The following ARG2 variants were observed in gnomAD, a reference collection of about 807,000 sequenced individuals.
The protein encoded by ARG2 is arginase 2, also known as arginase-2, mitochondrial.
A neutral mutation model predicts 39.4 loss-of-function variants in ARG2; 21 were observed. The observed-to-expected ratio is 0.53, with a 90% CI of 0.38 to 0.77. The LOEUF is 0.77. ARG2 is among the 30% of genes least tolerant of loss of function. The pLI is 0.00. For synonymous variants in ARG2, 150 were observed against 156.7 expected (o/e 0.96, Z 0.32); for missense variants, 378 against 426.2 (o/e 0.89, Z 1.00).
At chr14:67,636,964 A>T (rs2036977934) in intron 2 of ARG2, among the ~76,000 whole-genome samples, 1 of 152,154 alleles carries the variant, frequency 6.6e-6, no homozygotes, top group Non-Finnish European at 1.5e-5. Context: ...AGAGAAAGGG[A>T]AAGTTCCCAC....
At chr14:67,627,357 GTTATAC>G (rs770960189) in intron 2 of ARG2, among the ~76,000 whole-genome samples, 32 of 150,712 alleles carry the variant, frequency 2.1e-4, no homozygotes, top group Non-Finnish European at 3.4e-4. Flanking sequence ...ACAACTATCT[GTTATAC>G]TTATGTAAGT....
intron 2 of ARG2, among the ~76,000 whole-genome samples, chr14:67,624,826 T>C (rs904526429): frequency 3.3e-5 from 5 of 152,196 alleles, no homozygotes; most frequent in Non-Finnish European, 5.9e-5. Flanking sequence ...TGGGGAGCAT[T>C]TATTCAAGAA....
chr14:67,623,637 G>C (rs887679250), intron 2 of ARG2, among the ~76,000 whole-genome samples: 7 of 147,674 alleles, frequency 4.7e-5, no homozygotes, highest in African/African-American at 1.8e-4. Flanking sequence ...CGCCTCCCGG[G>C]TTCAAGCAAT....
At chr14:67,638,714 G>A (rs762445987) in intron 2 of ARG2, among the ~76,000 whole-genome samples, 9 of 152,212 alleles carry the variant, frequency 5.9e-5, no homozygotes, top group Non-Finnish European at 1.0e-4. Flanking sequence ...GCCTCTCAAG[G>A]TATAAATCCC....
chr14:67,620,159 G>T (rs1212432507), intron 1 of ARG2, 71 bp downstream of exon 1: 8 of 1,157,180 alleles, frequency 6.9e-6, no homozygotes, highest in African/African-American at 4.8e-5. Context: ...GCGGCGGTAG[G>T]GTGCGGGGGA....
At chr14:67,644,997 T>TAA (rs558540535) in intron 3 of ARG2, among the ~76,000 whole-genome samples, 17,025 of 132,210 alleles carry the variant, frequency 0.13, 1,039 homozygotes, top group Admixed American at 0.15. Flanking sequence ...GACTCCGTCT[T>TAA]AAAAAAAAAA....
At chr14:67,621,156 G>C (rs533466236) in intron 2 of ARG2, among the ~76,000 whole-genome samples, 190 bp downstream of exon 2, 73 of 152,324 alleles carry the variant, frequency 4.8e-4, no homozygotes, top group African/African-American at 1.8e-3. Context: ...GCAATAAAGA[G>C]TGTGTTGGAA....
chr14:67,648,358 G>A (rs1193270604), intron 7 of ARG2, 175 bp downstream of exon 7: 1 of 610,876 alleles, frequency 1.6e-6, no homozygotes, highest in Non-Finnish European at 2.6e-6. Context: ...GTCCTTTAGA[G>A]TCATGCTTGG....
At chr14:67,636,668 G>A (rs888066691) in intron 2 of ARG2, among the ~76,000 whole-genome samples, 10 of 152,232 alleles carry the variant, frequency 6.6e-5, no homozygotes, top group African/African-American at 2.4e-4. Flanking sequence ...AGCCTGGAGA[G>A]GTTTATCAAG....
rs144426381 is a variant in ARG2 at position 67,629,601 on chromosome 14, ATGATGGTAG to A, written c.184+8647_184+8655del. 9.3e-3 allele frequency among the ~76,000 whole-genome samples: 1,411 copies of A among 152,310 alleles called. 15 individuals carry two copies. Among genetic ancestry groups the A allele is most frequent in the Middle Eastern group, 0.031 (9 of 294 alleles). ...TTTGCAAGATGAGTTCTGGAGATGG[ATGATGGTAG>A]TGATGGTAGTGTCCAATCAACTTCT... On this transcript the variant is annotated intron_variant, in intron 2 of 7. Transcript: ENST00000261783.
intron 2 of ARG2, among the ~76,000 whole-genome samples, chr14:67,630,684 A>G (rs1382774582): frequency 1.3e-5 from 2 of 152,068 alleles, no homozygotes; most frequent in African/African-American, 2.4e-5. Context: ...GGTTCAAGCA[A>G]TTCTCTGCCT....
At position 67,646,678 on chromosome 14, in the gene ARG2, C is replaced by T. The variant is rs767977486; in HGVS notation, c.557C>T (p.Pro186Leu). Reference sequence around the variant, plus strand: ...CTCCCAGGATTTTCCTGGATCAAACCTTGTATCTCTTCTGCAAGTATTGTG... The same window carrying T: ...CTCCCAGGATTTTCCTGGATCAAACTTTGTATCTCTTCTGCAAGTATTGTG... ...PQLPGFSWIK[P>L]CISSASIVYI... Residue 186 changes from proline (P) to leucine (L), a missense_variant, in exon 5 of 8, where the codon CCT becomes CTT. Pro to Leu is a moderately conservative substitution (Grantham distance 98). Coordinates refer to ENST00000261783, the MANE Select transcript of ARG2 (RefSeq NM_001172.4). The T allele has an allele frequency of 4.3e-6, 7 of 1,613,580 alleles. No individual in the cohort carries two copies. The highest frequency in any genetic ancestry group is 5.9e-6 in the Non-Finnish European group (7 of 1,179,570).
chr14:67,625,022 G>A (rs2036848582), intron 2 of ARG2, among the ~76,000 whole-genome samples: 1 of 152,120 alleles, frequency 6.6e-6, no homozygotes, highest in Non-Finnish European at 1.5e-5. Flanking sequence ...ACCATCCCCA[G>A]AAAATTGTCA....
At chr14:67,620,343 G>C (rs1448476335) in intron 1 of ARG2, among the ~76,000 whole-genome samples, 1 of 152,104 alleles carries the variant, frequency 6.6e-6, no homozygotes, top group Non-Finnish European at 1.5e-5. Flanking sequence ...GGCCTCCCCA[G>C]AAAGACCGAG....
At chr14:67,646,191 G>A (rs2037096652) in intron 4 of ARG2, among the ~76,000 whole-genome samples, 1 of 152,144 alleles carries the variant, frequency 6.6e-6, no homozygotes, top group African/African-American at 2.4e-5. Context: ...ACTAGAATCT[G>A]TATATCCCTC....
intron 2 of ARG2, among the ~76,000 whole-genome samples, chr14:67,638,540 T>A (rs2036996632): frequency 6.6e-6 from 1 of 152,162 alleles, no homozygotes; most frequent in Admixed American, 6.5e-5. Context: ...ACGCCCCTGA[T>A]CCTCAGTGAA....
At chr14:67,635,932 A>C (rs927894382) in intron 2 of ARG2, among the ~76,000 whole-genome samples, 1 of 152,130 alleles carries the variant, frequency 6.6e-6, no homozygotes, top group African/African-American at 2.4e-5. Flanking sequence ...AAAATATTTG[A>C]GTCTGTAACT....
chr14:67,626,260 A>G (rs943815343), intron 2 of ARG2, among the ~76,000 whole-genome samples: 5 of 151,310 alleles, frequency 3.3e-5, no homozygotes, highest in African/African-American at 1.2e-4. Context: ...TCTCAGGGGA[A>G]AAAAAAAACC....
At position 67,620,970 on chromosome 14, in the gene ARG2, A is replaced by G. The variant is rs1414194499; in HGVS notation, c.184+4A>G. On this transcript the variant is annotated splice_donor_region_variant and intron_variant, in intron 2 of 7. Transcript: ENST00000261783. ...ATGAAAAGGCTCTCCAGTTTGGGTA[A>G]GTGGTTAGATTTTTAGATATTAGTG... 1 of 1,613,888 alleles carries G rather than the reference A, an allele frequency of 6.2e-7. No individual in the cohort carries two copies. The highest frequency in any genetic ancestry group is 1.7e-5 in the Admixed American group (1 of 59,994).
Sources: allele counts gnomAD v4.1 joint callset (sites outside exome capture counted in the v4.1 genomes callset), GRCh38; gene constraint gnomAD v4.1.1; transcripts MANE v1.5; gene names NCBI Gene and HGNC (gene_info 2026-07-23, HGNC 2026-07-21).